Variants in NID1 observed in about 807,000 individuals in gnomAD.
The protein encoded by NID1 is nidogen 1.
Under a neutral mutation model 130.6 loss-of-function variants are expected in NID1, and 76 were observed. The observed-to-expected ratio is 0.58, with a 90% CI of 0.48 to 0.70. NID1 has a LOEUF of 0.70. NID1 is among the 30% of genes least tolerant of loss of function. The pLI, the probability that NID1 is intolerant of heterozygous loss-of-function variation, is 0.00. For missense variants in NID1, 1,517 were observed against 1,664.8 expected, an observed-to-expected ratio of 0.91 and a Z score of 1.54; for synonymous variants, 665 against 675.1, an observed-to-expected ratio of 0.98 and a Z score of 0.23.
At chr1:235,992,859 C>G (rs1006039927) in intron 13 of NID1, among the ~76,000 whole-genome samples, 5 of 152,202 alleles carry the variant, frequency 3.3e-5, no homozygotes, top group Non-Finnish European at 7.3e-5. Context: ...TTCAAAGATT[C>G]ATTATATTCG....
At chr1:236,015,156 T>C (rs921606623) in intron 10 of NID1, among the ~76,000 whole-genome samples, 8 of 152,284 alleles carry the variant, frequency 5.3e-5, no homozygotes, top group Admixed American at 4.6e-4. Context: ...CAGGGTAACC[T>C]TCCCAGTGCA....
rs535039483 is a variant in NID1 at position 236,039,252 on chromosome 1, T to C, written c.1136-999A>G. Among the ~76,000 whole-genome samples the C allele has an allele frequency of 1.2e-4, 18 of 149,426 alleles. 1 individual carries two copies. Among genetic ancestry groups the C allele is most frequent in the African/African-American group, 4.4e-4 (18 of 40,974 alleles). On this transcript the variant is annotated intron_variant, in intron 4 of 19. Transcript: ENST00000264187. ...TGATATAATTTTTTTAATTTTTTATTGTGGTAAAATATATATAACATAAAA... is the reference window on the plus strand; with the variant it reads ...TGATATAATTTTTTTAATTTTTTATCGTGGTAAAATATATATAACATAAAA...
At chr1:235,993,008 T>A (rs971562731) in intron 13 of NID1, among the ~76,000 whole-genome samples, 3 of 151,272 alleles carry the variant, frequency 2.0e-5, no homozygotes, top group Non-Finnish European at 4.4e-5. Flanking sequence ...AAAGTGTCTG[T>A]CCAGAGTCAC....
rs117038255 is a variant in NID1 at position 236,062,881 on chromosome 1, C to T, written c.225+1974G>A. On this transcript the variant is annotated intron_variant, in intron 1 of 19. Coordinates refer to ENST00000264187, the MANE Select transcript of NID1 (RefSeq NM_002508.3). ...GTTAAAAGTAAGCATATAGGCCAGGCGTGGTGGCCCACACCTGTAATCCCA... is the reference window on the plus strand; with the variant it reads ...GTTAAAAGTAAGCATATAGGCCAGGTGTGGTGGCCCACACCTGTAATCCCA... Among the ~76,000 whole-genome samples, 669 of 152,124 alleles carry T rather than the reference C, an allele frequency of 4.4e-3. 16 individuals are homozygous for T. The East Asian group carries it at 0.052, about 12-fold the overall frequency.
intron 14 of NID1, among the ~76,000 whole-genome samples, chr1:235,988,537 G>A (rs1409465845): frequency 2.0e-5 from 3 of 152,168 alleles, no homozygotes; most frequent in South Asian, 2.1e-4. Context: ...TATATGTATC[G>A]AAAAGAAGTT....
chr1:236,061,051 G>C (rs1247243266), intron 1 of NID1, among the ~76,000 whole-genome samples: 1 of 152,202 alleles, frequency 6.6e-6, no homozygotes, highest in East Asian at 1.9e-4. Flanking sequence ...CAGTATATCA[G>C]TGTTACCCAA....
chr1:236,038,567 C>T (rs1028183141), intron 4 of NID1, among the ~76,000 whole-genome samples: 21 of 152,060 alleles, frequency 1.4e-4, no homozygotes, highest in African/African-American at 5.1e-4. Flanking sequence ...TAGATTAGTG[C>T]TATCCAATAG....
Position 236,026,097 on chromosome 1 carries a change from C to G in NID1, c.1783G>C (p.Glu595Gln), listed in dbSNP as rs535886435. 2.5e-6 allele frequency: 4 copies of G among 1,613,428 alleles called. No individual in the cohort carries two copies. Among genetic ancestry groups the G allele is most frequent in the Admixed American group, 1.7e-5 (1 of 59,964 alleles). Reference protein sequence around the residue: ...STREYTVTEPERDGASPSRIY... With the variant: ...STREYTVTEPQRDGASPSRIY... ...CGTGAAGGAGATGCCCCATCTCGCT[C>G]GGGCTCAGTCACCGTGTACTCCCGG... is the stretch of plus-strand genomic sequence containing the variant. The change falls in exon 8 of 20, where the codon GAG becomes CAG. Residue 595 changes from glutamate (E) to glutamine (Q), a missense_variant. Coordinates refer to ENST00000264187, the MANE Select transcript of NID1 (RefSeq NM_002508.3).
chr1:235,977,641 A>G lies in NID1; in HGVS notation c.*226T>C. 2.0e-6 allele frequency: 1 copy of G among 505,654 alleles called. No individual in the cohort carries two copies. The highest frequency in any genetic ancestry group is 2.2e-5 in the South Asian group (1 of 46,318). 31.3% of individuals were successfully genotyped at this position (505,654 alleles called of 1,614,324 possible). A position where few individuals can be genotyped will look rare whatever the true frequency, so the allele number is the denominator to read the frequency against. On this transcript the variant is annotated 3_prime_UTR_variant, in exon 20 of 20. Coordinates refer to ENST00000264187, the MANE Select transcript of NID1 (RefSeq NM_002508.3). Reference sequence around the variant, plus strand: ...ATAAGTCTGTCTGAGGGTTGGGGGTAGGGGTGGAGGGTTCTGTCCTTGTGT... The same window carrying G: ...ATAAGTCTGTCTGAGGGTTGGGGGTGGGGGTGGAGGGTTCTGTCCTTGTGT...
chr1:236,024,278 A>G (rs757268861), intron 8 of NID1, 65 bp from the exon 9 acceptor site: 163 of 1,576,664 alleles, frequency 1.0e-4, no homozygotes, highest in Non-Finnish European at 1.3e-4. Flanking sequence ...TCCTCCTTCC[A>G]CAGAAAGTCA....
At chr1:235,986,564 A>G (rs961779016) in intron 14 of NID1, among the ~76,000 whole-genome samples, 1 of 152,196 alleles carries the variant, frequency 6.6e-6, no homozygotes, top group African/African-American at 2.4e-5. Context: ...ATAAGGTTAA[A>G]TGTAAACAAT....
chr1:235,982,858 C>T (rs1240005637), intron 15 of NID1, among the ~76,000 whole-genome samples: 1 of 151,998 alleles, frequency 6.6e-6, no homozygotes, highest in Non-Finnish European at 1.5e-5. Flanking sequence ...GGCAACCATT[C>T]CAATACTGTG....
At chr1:236,038,545 T>C (rs906239345) in intron 4 of NID1, among the ~76,000 whole-genome samples, 1 of 152,040 alleles carries the variant, frequency 6.6e-6, no homozygotes, top group Non-Finnish European at 1.5e-5. Flanking sequence ...CTAGTGTACT[T>C]GGCATCAATG....
intron 12 of NID1, among the ~76,000 whole-genome samples, chr1:236,010,081 A>C (rs7522023): frequency 0.25 from 38,200 of 152,136 alleles, 6,019 homozygotes; most frequent in Non-Finnish European, 0.36. Flanking sequence ...GTGAAGCAAG[A>C]CTGAGGAAAT....
chr1:236,024,091 C>T lies in NID1; in HGVS notation c.2107G>A (p.Gly703Arg). The T allele has an allele frequency of 3.1e-6, 5 of 1,614,192 alleles. No homozygotes were observed. Among genetic ancestry groups the T allele is most frequent in the Non-Finnish European group, 4.2e-6 (5 of 1,180,048 alleles). ...GTACCATAGCAGGTTCGCCCGTCTC[C>T]TCGGAAGCCGATGGAGCACTCGCAG... The part of the protein sequence containing the change: ...FTCECSIGFR[G>R]DGRTCYDIDE... Residue 703 changes from glycine to arginine, a missense_variant, in exon 9 of 20, where the codon GGA becomes AGA. Physicochemically the swap from Gly to Arg is moderately radical, Grantham distance 125. Around this residue, in one of 3 missense-constraint regions of NID1, gnomAD observed 1,329 missense variants for 1,429.2 expected, o/e 0.93. Coordinates refer to ENST00000264187, the MANE Select transcript of NID1 (RefSeq NM_002508.3).
chr1:236,024,543 T>G (rs1246127099), intron 8 of NID1, among the ~76,000 whole-genome samples: 2 of 152,234 alleles, frequency 1.3e-5, no homozygotes, highest in Non-Finnish European at 1.5e-5. Context: ...TATCTGGTCC[T>G]TCACCAAGAA....
Position 236,064,843 on chromosome 1 carries a change from G to C in NID1, c.225+12C>G, listed in dbSNP as rs561768944. ...CTGCAGCCCCTCGCCCGCCCTCCCG[G>C]GGCTCACTCACGTAGACTGCGTCGA... is the stretch of plus-strand genomic sequence containing the variant. On this transcript the variant is annotated intron_variant, in intron 1 of 19. Coordinates refer to ENST00000264187, the MANE Select transcript of NID1 (RefSeq NM_002508.3). 12 of 1,606,374 alleles carry C rather than the reference G, an allele frequency of 7.5e-6. No homozygotes were observed. The highest frequency in any genetic ancestry group is 5.1e-5 in the Admixed American group (3 of 59,320).
In NID1 at chr1:235,993,739, G is replaced by C. The variant is rs1382451966; in HGVS notation, c.2661C>G (p.Thr887=). The C allele has an allele frequency of 6.2e-7, 1 of 1,612,928 alleles. No homozygotes were observed. The highest frequency in any genetic ancestry group is 1.7e-5 in the Admixed American group (1 of 59,980). ...AGTAGCCGGTGCTGCCGTGGCACTGGGTGGGCGCGTAGTGCCCGTGCGCAT... is the reference window on the plus strand; with the variant it reads ...AGTAGCCGGTGCTGCCGTGGCACTGCGTGGGCGCGTAGTGCCCGTGCGCAT... ...ECDAHGHYAP[T]QCHGSTGYCW... is the part of the protein sequence containing the mutation. The change falls in exon 13 of 20, where the codon ACC becomes ACG. Residue 887 remains threonine, a synonymous_variant. Transcript: ENST00000264187.
Position 236,024,192 on chromosome 1 carries a change from T to C in NID1, c.2006A>G (p.Gln669Arg), listed in dbSNP as rs3738534. 4.5e-4 allele frequency: 720 copies of C among 1,614,258 alleles called. 9 individuals are homozygous for C. The East Asian group carries it at 0.012, about 26-fold the overall frequency. ...PVREGSPDALQNPCYIGTHGC... is the reference protein window; with the variant it reads ...PVREGSPDALRNPCYIGTHGC... ...ATGAGTGCCGATGTAGCAGGGATTCTGAAGAGCATCAGGGGAGCCTTCTGT... is the reference window on the plus strand; with the variant it reads ...ATGAGTGCCGATGTAGCAGGGATTCCGAAGAGCATCAGGGGAGCCTTCTGT... Residue 669 changes from glutamine to arginine, a missense_variant, in exon 9 of 20, where the codon CAG becomes CGG. Physicochemically the swap from Gln to Arg is conservative, Grantham distance 43. Transcript: ENST00000264187.
Sources: gnomAD v4.1 joint callset for allele counts (sites outside exome capture counted in the v4.1 genomes callset) on GRCh38, gnomAD v4.1.1 for gene constraint, gnomAD v4.1.1 regional missense constraint, MANE v1.5 for transcripts, NCBI Gene and HGNC (gene_info 2026-07-23, HGNC 2026-07-21) for gene names.